The following PCNT variants were observed in gnomAD, a reference collection of about 807,000 sequenced individuals.
The protein encoded by PCNT is kendrin.
PCNT carries 319 observed loss-of-function variants against 380.4 expected under a neutral mutation model. The observed-to-expected ratio is 0.84, with a 90% confidence interval of 0.77 to 0.92. The LOEUF (loss-of-function observed/expected upper bound fraction) is 0.92, where lower values mean the gene tolerates loss of function less well. Among genes scored for constraint, PCNT ranks in the 40% least tolerant of loss-of-function variants. The probability of loss-of-function intolerance (pLI) is 0.00; values close to 1 mark genes in which losing one functional copy is unlikely to be tolerated. For missense variants in PCNT, 4,400 were observed against 4,255.3 expected (o/e 1.03, Z -0.95); for synonymous variants, 1,845 against 1,735.2 (o/e 1.06, Z -1.57).
At chr21:46,332,109 G>A (rs1252529810) in intron 2 of PCNT, among the ~76,000 whole-genome samples, 1 of 152,138 alleles carries the variant, frequency 6.6e-6, no homozygotes, top group East Asian at 1.9e-4. Context: ...GCACTGAGCC[G>A]AGATCGCGCC....
chr21:46,342,534 C>CTTTTTTTTTT (rs748392645), intron 3 of PCNT, among the ~76,000 whole-genome samples: 1 of 142,324 alleles, frequency 7.0e-6, no homozygotes. Flanking sequence ...TCAATTCTTT[C>CTTTTTTTTTT]TTTTTTTTTT....
At chr21:46,347,714 A>G (rs892661400) in intron 6 of PCNT, among the ~76,000 whole-genome samples, 1 of 152,210 alleles carries the variant, frequency 6.6e-6, no homozygotes, top group African/African-American at 2.4e-5. Flanking sequence ...GTTGTTTCAC[A>G]TTGACTTGCA....
At chr21:46,422,371 G>C (rs1293670199) in intron 32 of PCNT, among the ~76,000 whole-genome samples, 1 of 152,188 alleles carries the variant, frequency 6.6e-6, no homozygotes, top group African/African-American at 2.4e-5. Flanking sequence ...CTGTGAGCCC[G>C]TGGGCAGGTG....
chr21:46,391,835 T>G (rs2086044860), intron 21 of PCNT, among the ~76,000 whole-genome samples: 1 of 152,270 alleles, frequency 6.6e-6, no homozygotes, highest in Admixed American at 6.5e-5. Context: ...ATGAAAACTG[T>G]CAAAACATAA....
At chr21:46,377,877 CAAG>C (rs887136553) in intron 15 of PCNT, among the ~76,000 whole-genome samples, 2 of 87,416 alleles carry the variant, frequency 2.3e-5, no homozygotes, top group African/African-American at 7.8e-5. Flanking sequence ...AGGAAGAAAA[CAAG>C]AAACTCCCCA....
chr21:46,418,988 C>A (rs994287741), intron 31 of PCNT, among the ~76,000 whole-genome samples: 1 of 152,220 alleles, frequency 6.6e-6, no homozygotes, highest in Non-Finnish European at 1.5e-5. Flanking sequence ...CTCATGCTCA[C>A]GCCCACTGGT....
At chr21:46,418,116 T>TCAGG in intron 30 of PCNT, 88 bp from the exon 31 acceptor site, 1 of 781,688 alleles carries the variant, frequency 1.3e-6, no homozygotes, top group African/African-American at 1.7e-5. Context: ...GAAGATAAAT[T>TCAGG]CAGGCCTTTG....
At position 46,351,443 on chromosome 21, in the gene PCNT, A is replaced by G. The variant is rs144644342; in HGVS notation, c.1359A>G (p.Gln453=). 3.7e-6 allele frequency: 6 copies of G among 1,603,160 alleles called. No homozygotes were observed. Among genetic ancestry groups the G allele is most frequent in the East Asian group, 2.2e-5 (1 of 44,836 alleles). Residue 453 remains glutamine (Q), a synonymous_variant, in exon 9 of 47, where the codon CAA becomes CAG. Coordinates refer to ENST00000359568, the MANE Select transcript of PCNT (RefSeq NM_006031.6). ...KEKQLELENL[Q]ASYEDLKAQS... ...GCTTTTTCCAGTTAGAGAATCTTCA[A>G]GCATCATATGAAGACCTGAAGGCAC...
At chr21:46,332,239 G>A (rs539933087) in intron 2 of PCNT, among the ~76,000 whole-genome samples, 2 of 152,316 alleles carry the variant, frequency 1.3e-5, no homozygotes, top group South Asian at 4.1e-4. Flanking sequence ...GGCTGAAGAA[G>A]ATTTAACTAG....
intron 3 of PCNT, among the ~76,000 whole-genome samples, chr21:46,335,695 T>G (rs574873323): frequency 6.8e-6 from 1 of 147,506 alleles, no homozygotes; most frequent in East Asian, 1.9e-4. Flanking sequence ...TGGGGTTTTT[T>G]TTTTTTTTTT....
intron 15 of PCNT, among the ~76,000 whole-genome samples, chr21:46,372,331 G>A (rs896935157): frequency 1.2e-4 from 18 of 150,882 alleles, no homozygotes; most frequent in African/African-American, 2.7e-4. Context: ...CACACAACAC[G>A]TGCACACACA....
At chr21:46,368,854 C>T (rs565236066) in intron 15 of PCNT, among the ~76,000 whole-genome samples, 12 of 152,322 alleles carry the variant, frequency 7.9e-5, no homozygotes, top group Admixed American at 5.9e-4. Context: ...AAACTATAAA[C>T]GAGGGAATTG....
intron 29 of PCNT, among the ~76,000 whole-genome samples, chr21:46,414,847 C>T (rs1349422404): frequency 7.0e-6 from 1 of 143,716 alleles, no homozygotes; most frequent in East Asian, 1.9e-4. Context: ...CCTGGACACA[C>T]AGACACCTAC....
rs2087105070 is a variant in PCNT at position 46,418,140 on chromosome 21, G to A, written c.6922-64G>A. ...TTCAGGCCTTTGAAAGTTTTCACCT[G>A]GCAAAGTCAGCGCTATGATGTAATT... is the stretch of plus-strand genomic sequence containing the variant. On this transcript the variant is annotated intron_variant, in intron 30 of 46. Transcript: ENST00000359568. 1.7e-5 allele frequency: 18 copies of A among 1,040,472 alleles called. No individual in the cohort carries two copies. In the South Asian group the frequency reaches 2.4e-4, roughly 14 times the overall value. The allele number at this position is 1,040,472 out of a possible 1,614,324, so 64.5% of individuals were successfully genotyped here. A position where few individuals can be genotyped will look rare whatever the true frequency, so the allele number is the denominator to read the frequency against.
intron 44 of PCNT, among the ~76,000 whole-genome samples, chr21:46,443,434 G>C (rs1446393274): frequency 6.6e-6 from 1 of 152,166 alleles, no homozygotes; most frequent in Non-Finnish European, 1.5e-5. Flanking sequence ...AAATTAAAAT[G>C]CTTTGATTCA....
chr21:46,347,605 G>C, intron 6 of PCNT, 93 bp downstream of exon 6: 4 of 1,158,216 alleles, frequency 3.5e-6, no homozygotes, highest in Non-Finnish European at 5.2e-6. Flanking sequence ...CCTTGATTCA[G>C]ACAGAAGCCA....
intron 15 of PCNT, among the ~76,000 whole-genome samples, chr21:46,380,759 G>A (rs1356472002): frequency 1.3e-5 from 2 of 152,128 alleles, no homozygotes; most frequent in African/African-American, 4.8e-5. Flanking sequence ...GAAAACACTG[G>A]TTTTGATGGT....
chr21:46,370,132 G>A (rs1159791944), intron 15 of PCNT, among the ~76,000 whole-genome samples: 1 of 151,988 alleles, frequency 6.6e-6, no homozygotes, highest in Admixed American at 6.6e-5. Context: ...TGGATTGTGC[G>A]TGCAGTGGGG....
chr21:46,416,989 C>G, intron 30 of PCNT, 150 bp downstream of exon 30: 1 of 704,854 alleles, frequency 1.4e-6, no homozygotes, highest in Non-Finnish European at 2.3e-6. Context: ...GCATCATGGG[C>G]GCATTTAGAT....
Sources: gnomAD v4.1 joint callset for allele counts (sites outside exome capture counted in the v4.1 genomes callset) on GRCh38, gnomAD v4.1.1 for gene constraint, MANE v1.5 for transcripts, NCBI Gene and HGNC (gene_info 2026-07-23, HGNC 2026-07-21) for gene names.